Variants in GRID1 observed in about 807,000 individuals in gnomAD.
The protein encoded by GRID1 is glutamate ionotropic receptor delta type subunit 1, also known as glutamate receptor ionotropic, delta-1.
Under a neutral mutation model 98.0 loss-of-function variants are expected in GRID1, and 28 were observed. That is an observed-to-expected ratio of 0.29 (90% CI 0.21 to 0.39). The LOEUF (loss-of-function observed/expected upper bound fraction) is 0.39. Among genes scored for constraint, GRID1 ranks in the 10% least tolerant of loss-of-function variants. The pLI is 1.00. For synonymous variants in GRID1, 553 were observed against 538.5 expected (o/e 1.03, Z -0.37); for missense variants, 1,111 against 1,340.5 (o/e 0.83, Z 2.67).
intron 12 of GRID1, among the ~76,000 whole-genome samples, chr10:85,697,566 G>A (rs1435940829): frequency 1.3e-5 from 2 of 152,046 alleles, no homozygotes; most frequent in African/African-American, 4.8e-5. Flanking sequence ...TGAGAAGACT[G>A]GTCCTGTTCC....
At chr10:85,855,922 G>GCCC in intron 7 of GRID1, 107 bp downstream of exon 7, 1 of 943,228 alleles carries the variant, frequency 1.1e-6, no homozygotes, top group Non-Finnish European at 1.7e-6. Context: ...GCCTACTGGG[G>GCCC]CAGCCACACA....
At chr10:86,323,196 G>A (rs913991358) in intron 2 of GRID1, among the ~76,000 whole-genome samples, 1 of 152,230 alleles carries the variant, frequency 6.6e-6, no homozygotes, top group African/African-American at 2.4e-5. Flanking sequence ...TGCAGCAGTA[G>A]ATGGCAACTT....
intron 4 of GRID1, among the ~76,000 whole-genome samples, chr10:85,950,167 A>G (rs1842101827): frequency 6.6e-6 from 1 of 152,230 alleles, no homozygotes; most frequent in Non-Finnish European, 1.5e-5. Flanking sequence ...CAGACAAAAC[A>G]CAGTGGCAAT....
At chr10:85,796,742 A>G (rs1342466129) in intron 8 of GRID1, among the ~76,000 whole-genome samples, 2 of 152,284 alleles carry the variant, frequency 1.3e-5, no homozygotes, top group African/African-American at 4.8e-5. Context: ...ACAATTTGAC[A>G]TCAGACTTTT....
At chr10:86,158,736 A>T (rs1421106153) in intron 3 of GRID1, among the ~76,000 whole-genome samples, 1 of 152,144 alleles carries the variant, frequency 6.6e-6, no homozygotes, top group Non-Finnish European at 1.5e-5. Flanking sequence ...CCTGAGACAG[A>T]GTCTGGGTGA....
intron 3 of GRID1, among the ~76,000 whole-genome samples, chr10:86,194,646 T>C (rs1296368189): frequency 6.6e-6 from 1 of 152,108 alleles, no homozygotes; most frequent in East Asian, 1.9e-4. Flanking sequence ...ATGTATATGA[T>C]ACAAATAATT....
intron 8 of GRID1, among the ~76,000 whole-genome samples, chr10:85,811,903 T>G (rs1842675442): frequency 6.6e-6 from 1 of 152,072 alleles, no homozygotes; most frequent in Non-Finnish European, 1.5e-5. Flanking sequence ...CCACGTACAT[T>G]AGAGCTAATC....
At chr10:86,127,105 C>A (rs11201890) in intron 4 of GRID1, among the ~76,000 whole-genome samples, 41,036 of 152,136 alleles carry the variant, frequency 0.27, 7,324 homozygotes, top group African/African-American at 0.49. Context: ...AGAGAAGGGG[C>A]AGCTATGCGG....
intron 4 of GRID1, among the ~76,000 whole-genome samples, chr10:85,985,478 C>A (rs1190701867): frequency 1.3e-5 from 2 of 152,162 alleles, no homozygotes; most frequent in Non-Finnish European, 2.9e-5. Flanking sequence ...TAGACGGTCA[C>A]CTTCAGAGGC....
intron 5 of GRID1, among the ~76,000 whole-genome samples, chr10:85,892,402 C>T (rs915703638): frequency 6.6e-6 from 1 of 151,600 alleles, no homozygotes; most frequent in East Asian, 1.9e-4. Flanking sequence ...TAATTAAGCA[C>T]ATAACCAAAG....
chr10:86,258,476 C>A (rs1288674726), intron 2 of GRID1, among the ~76,000 whole-genome samples: 1 of 152,176 alleles, frequency 6.6e-6, no homozygotes, highest in African/African-American at 2.4e-5. Flanking sequence ...AAGTGATTTT[C>A]CTCTCACACT....
At chr10:86,212,521 G>A (rs1324004333) in intron 2 of GRID1, among the ~76,000 whole-genome samples, 1 of 152,210 alleles carries the variant, frequency 6.6e-6, no homozygotes, top group Non-Finnish European at 1.5e-5. Flanking sequence ...CAGGCTCTGG[G>A]CAAACCCGGG....
intron 4 of GRID1, among the ~76,000 whole-genome samples, chr10:86,120,314 A>G (rs1307649242): frequency 6.6e-6 from 1 of 152,098 alleles, no homozygotes; most frequent in African/African-American, 2.4e-5. Context: ...GTCCTTGCCT[A>G]TCCTTTAAGA....
intron 3 of GRID1, among the ~76,000 whole-genome samples, chr10:86,194,034 A>G (rs560003444): frequency 6.6e-6 from 1 of 152,212 alleles, no homozygotes; most frequent in South Asian, 2.1e-4. Context: ...GATGGCACCC[A>G]AGAATGGAAA....
At chr10:86,311,037 G>A (rs1847825071) in intron 2 of GRID1, among the ~76,000 whole-genome samples, 1 of 152,090 alleles carries the variant, frequency 6.6e-6, no homozygotes, top group South Asian at 2.1e-4. Flanking sequence ...GAAGAGGAGG[G>A]GCAGTGAGGA....
intron 4 of GRID1, among the ~76,000 whole-genome samples, chr10:86,110,664 T>C (rs911067653): frequency 6.6e-6 from 1 of 152,144 alleles, no homozygotes; most frequent in Non-Finnish European, 1.5e-5. Flanking sequence ...CTTCCCCTCT[T>C]TCCCAGCTGT....
chr10:85,968,126 T>C (rs1291621279), intron 4 of GRID1, among the ~76,000 whole-genome samples: 3 of 152,190 alleles, frequency 2.0e-5, no homozygotes, highest in East Asian at 1.9e-4. Context: ...TATAAATGTA[T>C]TTTTGTAACT....
chr10:86,356,634 A>G (rs929449266), intron 2 of GRID1, among the ~76,000 whole-genome samples: 1 of 152,242 alleles, frequency 6.6e-6, no homozygotes, highest in African/African-American at 2.4e-5. Context: ...ACACAGCAGG[A>G]GGAGGAAATA....
intron 4 of GRID1, among the ~76,000 whole-genome samples, chr10:86,054,473 C>T (rs935563534): frequency 5.9e-5 from 9 of 152,110 alleles, no homozygotes; most frequent in Non-Finnish European, 1.2e-4. Flanking sequence ...AGATCAAAAG[C>T]AGTGTCCTGC....
Sources: gnomAD v4.1 joint callset for allele counts (sites outside exome capture counted in the v4.1 genomes callset) on GRCh38, gnomAD v4.1.1 for gene constraint, MANE v1.5 for transcripts, NCBI Gene and HGNC (gene_info 2026-07-23, HGNC 2026-07-21) for gene names.